Variants in ZNF438 observed in about 807,000 individuals in gnomAD.
ZNF438 encodes the protein zinc finger protein 438.
In ZNF438, 25 loss-of-function variants were observed where a neutral mutation model predicts 38.0. The observed-to-expected ratio is 0.66, with a 90% confidence interval of 0.48 to 0.92. The LOEUF (loss-of-function observed/expected upper bound fraction) is 0.92, where lower values mean the gene tolerates loss of function less well. Ranked by LOEUF, ZNF438 falls within the 40% of genes least tolerant of loss-of-function variation. ZNF438 has a pLI of 0.00. For missense variants in ZNF438, 1,007 were observed against 999.6 expected, an observed-to-expected ratio of 1.01 and a Z score of -0.10; for synonymous variants, 372 against 364.1, an observed-to-expected ratio of 1.02 and a Z score of -0.25.
At chr10:30,929,487 G>A (rs764401092) in intron 2 of ZNF438, among the ~76,000 whole-genome samples, 11 of 152,180 alleles carry the variant, frequency 7.2e-5, no homozygotes, top group Admixed American at 2.0e-4. Context: ...AGATCTTCGC[G>A]GTGATTGTTA....
intron 1 of ZNF438, among the ~76,000 whole-genome samples, chr10:31,014,854 G>T (rs1030854703): frequency 1.9e-4 from 12 of 63,830 alleles, no homozygotes; most frequent in African/African-American, 3.1e-4. Context: ...ATGTGTGTGT[G>T]TGTGTGTATA....
Position 30,849,815 on chromosome 10 carries a change from C to T in ZNF438, c.590G>A (p.Gly197Glu), listed in dbSNP as rs148252990. 284 of 1,614,136 alleles carry T rather than the reference C, an allele frequency of 1.8e-4. No individual in the cohort carries two copies. The East Asian group carries it at 5.3e-3, about 30-fold the overall frequency. ...TGGTCTCAAGTCCCCATGGTCACTT[C>T]CATTGGTCAGCGCAGCTGTGCTAAT... Residue 197 changes from glycine to glutamate, a missense_variant, in exon 5 of 6, where the codon GGA becomes GAA. By Grantham distance (98) the Gly-to-Glu change is moderately conservative. Coordinates refer to ENST00000413025, the Ensembl canonical transcript of ZNF438.
upstream of ZNF438, among the ~76,000 whole-genome samples, chr10:31,032,362 G>T (rs114412529): frequency 1.3e-5 from 2 of 151,984 alleles, no homozygotes; most frequent in Admixed American, 6.6e-5. Context: ...GCTCTCCCAG[G>T]GTCCCTCGCT....
chr10:30,892,545 T>G (rs2040826981), intron 3 of ZNF438, among the ~76,000 whole-genome samples: 1 of 151,880 alleles, frequency 6.6e-6, no homozygotes, highest in Non-Finnish European at 1.5e-5. Flanking sequence ...TTTTTAACAT[T>G]CTGTTTGTAT....
At chr10:30,972,926 A>G (rs2050903333) in intron 1 of ZNF438, among the ~76,000 whole-genome samples, 1 of 152,198 alleles carries the variant, frequency 6.6e-6, no homozygotes, top group African/African-American at 2.4e-5. Flanking sequence ...TTCTAGATAT[A>G]ATTTGTAGCT....
At position 30,926,953 on chromosome 10, in the gene ZNF438, G is replaced by A. The variant is rs74841402; in HGVS notation, c.-115+14622C>T. On this transcript the variant is annotated intron_variant, in intron 2 of 5. Transcript: ENST00000413025. ...TTCCGATGGCCATACAAGAGTCTCC[G>A]GTAAGTTGAGAGAGAAGAGAATAAA... is the stretch of plus-strand genomic sequence containing the variant. 6.5e-3 allele frequency among the ~76,000 whole-genome samples: 982 copies of A among 152,248 alleles called. 9 individuals are homozygous for A. The highest frequency in any genetic ancestry group is 0.021 in the African/African-American group (891 of 41,540).
chr10:30,868,600 A>C (rs1474765581), intron 4 of ZNF438, among the ~76,000 whole-genome samples: 1 of 152,230 alleles, frequency 6.6e-6, no homozygotes, highest in Non-Finnish European at 1.5e-5. Flanking sequence ...TTAGATTTTT[A>C]AAAACAGAAA....
chr10:30,910,846 A>G (rs987365637), intron 2 of ZNF438, among the ~76,000 whole-genome samples: 1 of 152,108 alleles, frequency 6.6e-6, no homozygotes, highest in Non-Finnish European at 1.5e-5. Context: ...TAAAGCTATC[A>G]TATTCAATAT....
intron 2 of ZNF438, among the ~76,000 whole-genome samples, chr10:30,916,428 T>C (rs1466078870): frequency 6.6e-6 from 1 of 152,028 alleles, no homozygotes; most frequent in African/African-American, 2.4e-5. Flanking sequence ...CTAGCCAGTT[T>C]AGAGAATACA....
At chr10:30,951,078 G>C (rs992130948) in intron 1 of ZNF438, among the ~76,000 whole-genome samples, 1 of 142,382 alleles carries the variant, frequency 7.0e-6, no homozygotes, top group African/African-American at 2.6e-5. Flanking sequence ...TCCCTGGGAT[G>C]CAAGGCTGGT....
intron 4 of ZNF438, among the ~76,000 whole-genome samples, chr10:30,876,307 T>C (rs1157519403): frequency 6.6e-6 from 1 of 152,112 alleles, no homozygotes; most frequent in East Asian, 1.9e-4. Flanking sequence ...GAACTTCTCT[T>C]CTGTGTGGAA....
chr10:30,849,651 A>G (rs2033148015), exon 5 of ZNF438: 1 of 1,614,170 alleles, frequency 6.2e-7, no homozygotes, highest in Non-Finnish European at 8.5e-7. Flanking sequence ...GCAACAGCAG[A>G]AGGTTTACTA....
At chr10:30,980,254 T>TTA (rs2051958749) in intron 1 of ZNF438, among the ~76,000 whole-genome samples, 1 of 136,268 alleles carries the variant, frequency 7.3e-6, no homozygotes, top group South Asian at 2.4e-4. Context: ...TGTTTAACAT[T>TTA]AAAAAAAAAA....
intron 3 of ZNF438, among the ~76,000 whole-genome samples, chr10:30,903,437 CTT>C (rs1564613263): frequency 6.6e-6 from 1 of 152,230 alleles, no homozygotes; most frequent in Non-Finnish European, 1.5e-5. Flanking sequence ...CATTTTAAGA[CTT>C]TGGCTGGCCA....
chr10:30,931,573 C>T (rs781713935), intron 2 of ZNF438, among the ~76,000 whole-genome samples: 4 of 152,138 alleles, frequency 2.6e-5, no homozygotes, highest in Non-Finnish European at 5.9e-5. Flanking sequence ...TTGCATGTGT[C>T]CCTTTCACCA....
intron 1 of ZNF438, among the ~76,000 whole-genome samples, chr10:30,982,553 A>T (rs536024317): frequency 2.0e-5 from 3 of 152,316 alleles, no homozygotes; most frequent in Admixed American, 2.0e-4. Context: ...AGAAATTTCC[A>T]AGCCGGACAA....
intron 1 of ZNF438, among the ~76,000 whole-genome samples, chr10:31,001,708 T>A (rs2054674913): frequency 6.6e-6 from 1 of 152,240 alleles, no homozygotes; most frequent in Non-Finnish European, 1.5e-5. Context: ...ACACTTATAA[T>A]TGCACTTTAG....
chr10:30,848,032 C>T (rs1374650342), intron 5 of ZNF438, among the ~76,000 whole-genome samples: 1 of 152,196 alleles, frequency 6.6e-6, no homozygotes, highest in Non-Finnish European at 1.5e-5. Context: ...GAAATGACAC[C>T]CCAAGGATCC....
At chr10:30,851,606 A>C (rs1026816714) in intron 4 of ZNF438, among the ~76,000 whole-genome samples, 1 of 152,248 alleles carries the variant, frequency 6.6e-6, no homozygotes, top group African/African-American at 2.4e-5. Context: ...TCCCAGCGGA[A>C]TCTGCAGGGC....
Sources: allele counts gnomAD v4.1 joint callset (sites outside exome capture counted in the v4.1 genomes callset), GRCh38; gene constraint gnomAD v4.1.1; transcripts MANE v1.5; gene names NCBI Gene and HGNC (gene_info 2026-07-23, HGNC 2026-07-21).